NXPE2: variants seen among roughly 807,000 people sequenced by gnomAD.
NXPE2 encodes the protein neurexophilin and PC-esterase domain family member 2.
In NXPE2, 34 loss-of-function variants were observed where a neutral mutation model predicts 34.4. The observed-to-expected ratio is 0.99, with a 90% confidence interval of 0.75 to 1.31. NXPE2 has a LOEUF of 1.31. NXPE2 is among the 40% of genes most tolerant of loss of function. NXPE2 has a pLI of 0.00. For synonymous variants in NXPE2, 235 were observed against 231.3 expected (o/e 1.02, Z -0.15); for missense variants, 649 against 672.5 (o/e 0.97, Z 0.39).
the NXPE2 span, among the ~76,000 whole-genome samples, chr11:114,748,464 G>T: frequency 6.6e-6 from 1 of 152,150 alleles, no homozygotes; most frequent in Non-Finnish European, 1.5e-5. Context: ...ATCATGAGTT[G>T]CTTTTCACTG....
the NXPE2 span, among the ~76,000 whole-genome samples, chr11:114,506,900 G>A: frequency 6.6e-6 from 1 of 151,974 alleles, no homozygotes; most frequent in African/African-American, 2.4e-5. Flanking sequence ...AACTGAAGGA[G>A]ATTGAGACAC....
At chr11:114,667,642 C>T in the NXPE2 span, among the ~76,000 whole-genome samples, 2 of 152,138 alleles carry the variant, frequency 1.3e-5, no homozygotes, top group African/African-American at 4.8e-5. Flanking sequence ...CCAGCTGCCA[C>T]ATCATGAGTA....
At chr11:114,629,034 C>T in the NXPE2 span, among the ~76,000 whole-genome samples, 1 of 152,042 alleles carries the variant, frequency 6.6e-6, no homozygotes, top group African/African-American at 2.4e-5. Context: ...TAATCAATAG[C>T]TTACCAATGA....
chr11:114,790,734 G>A, the NXPE2 span, among the ~76,000 whole-genome samples: 9 of 152,122 alleles, frequency 5.9e-5, no homozygotes, highest in African/African-American at 2.2e-4. Flanking sequence ...GCCAGGTCTC[G>A]AAGCTTTTCA....
chr11:114,589,988 C>A, the NXPE2 span, among the ~76,000 whole-genome samples: 1 of 152,182 alleles, frequency 6.6e-6, no homozygotes, highest in Non-Finnish European at 1.5e-5. Flanking sequence ...TTAAAGGATG[C>A]CTTTTTCTGC....
the NXPE2 span, among the ~76,000 whole-genome samples, chr11:114,578,468 T>C: frequency 6.6e-6 from 1 of 152,220 alleles, no homozygotes; most frequent in Admixed American, 6.5e-5. Flanking sequence ...CTGAATTTTG[T>C]AGATGAGGTA....
chr11:114,557,314 C>T, the NXPE2 span, among the ~76,000 whole-genome samples: 1 of 152,032 alleles, frequency 6.6e-6, no homozygotes, highest in Non-Finnish European at 1.5e-5. Flanking sequence ...TTTCAATATG[C>T]ATCTTTGACT....
At chr11:114,745,113 T>C in the NXPE2 span, among the ~76,000 whole-genome samples, 1 of 152,096 alleles carries the variant, frequency 6.6e-6, no homozygotes, top group African/African-American at 2.4e-5. Context: ...TTTGTAAAAT[T>C]GTTTGATGTA....
intron 2 of NXPE2, among the ~76,000 whole-genome samples, chr11:114,688,677 T>C (rs948245367): frequency 6.6e-5 from 10 of 152,078 alleles, no homozygotes; most frequent in Non-Finnish European, 1.3e-4. Flanking sequence ...CTCTTCTTTG[T>C]ATGTCTGGTA....
chr11:114,526,312 A>G, the NXPE2 span, among the ~76,000 whole-genome samples: 3 of 152,232 alleles, frequency 2.0e-5, no homozygotes, highest in African/African-American at 7.2e-5. Flanking sequence ...CCACTTTATT[A>G]TAGCAGCAAT....
chr11:114,537,115 G>A, the NXPE2 span, among the ~76,000 whole-genome samples: 1,428 of 152,132 alleles, frequency 9.4e-3, 23 homozygotes, highest in African/African-American at 0.031. Context: ...GGGATGCAAG[G>A]CTGGTTCAAC....
At chr11:114,595,268 C>G in the NXPE2 span, among the ~76,000 whole-genome samples, 4 of 152,038 alleles carry the variant, frequency 2.6e-5, no homozygotes, top group African/African-American at 7.3e-5. Context: ...TTCTAGCACC[C>G]CCTCAAGCTT....
the NXPE2 span, among the ~76,000 whole-genome samples, chr11:114,621,328 C>T: frequency 6.6e-6 from 1 of 151,316 alleles, no homozygotes; most frequent in East Asian, 2.0e-4. Flanking sequence ...CTGTTACCCG[C>T]TGGATAATAA....
the NXPE2 span, among the ~76,000 whole-genome samples, chr11:114,467,632 A>ACATTAGAAC: frequency 6.6e-6 from 1 of 152,092 alleles, no homozygotes; most frequent in Non-Finnish European, 1.5e-5. Context: ...CTGGCCTGCA[A>ACATTAGAAC]TGTCGCTTTT....
At chr11:114,760,510 C>T in the NXPE2 span, among the ~76,000 whole-genome samples, 12 of 152,256 alleles carry the variant, frequency 7.9e-5, no homozygotes, top group East Asian at 5.8e-4. Flanking sequence ...AGGGATTTTC[C>T]GCACTGCTCT....
chr11:114,646,433 C>A, the NXPE2 span, among the ~76,000 whole-genome samples: 1 of 151,716 alleles, frequency 6.6e-6, no homozygotes, highest in Non-Finnish European at 1.5e-5. Flanking sequence ...ATAAATTTTT[C>A]TGTTATGAAA....
At chr11:114,753,865 T>C in the NXPE2 span, among the ~76,000 whole-genome samples, 7 of 152,154 alleles carry the variant, frequency 4.6e-5, no homozygotes, top group East Asian at 1.9e-4. Flanking sequence ...AGTACCCTTA[T>C]TGTCAACTAA....
chr11:114,630,611 G>T, the NXPE2 span, among the ~76,000 whole-genome samples: 2,257 of 151,302 alleles, frequency 0.015, 58 homozygotes, highest in Non-Finnish European at 0.016. Flanking sequence ...ACATAGGCAT[G>T]GGCAAGGACT....
the NXPE2 span, among the ~76,000 whole-genome samples, chr11:114,593,944 C>T: frequency 1.3e-5 from 2 of 151,886 alleles, no homozygotes; most frequent in East Asian, 1.9e-4. Flanking sequence ...TTTGCATGTT[C>T]GTTTTTATTT....
Sources: allele counts gnomAD v4.1 joint callset (sites outside exome capture counted in the v4.1 genomes callset), GRCh38; gene constraint gnomAD v4.1.1; transcripts MANE v1.5; gene names NCBI Gene and HGNC (gene_info 2026-07-23, HGNC 2026-07-21).